JADE2: variants seen among roughly 807,000 people sequenced by gnomAD.
JADE2 encodes the protein E3 ubiquitin-protein ligase Jade-2.
JADE2 carries 13 observed loss-of-function variants against 85.7 expected under a neutral mutation model. The observed-to-expected ratio is 0.15, with a 90% CI of 0.10 to 0.24. The LOEUF (loss-of-function observed/expected upper bound fraction) is 0.24. Among genes scored for constraint, JADE2 ranks in the 10% least tolerant of loss-of-function variants. The pLI is 1.00. For missense variants in JADE2, 846 were observed against 1,115.9 expected, an observed-to-expected ratio of 0.76 and a Z score of 3.45; for synonymous variants, 440 against 456.1, an observed-to-expected ratio of 0.96 and a Z score of 0.45.
intron 3 of JADE2, among the ~76,000 whole-genome samples, chr5:134,539,078 T>TA (rs1561730067): frequency 7.3e-5 from 11 of 150,802 alleles, no homozygotes; most frequent in African/African-American, 2.7e-4. Context: ...TTTATTTATT[T>TA]TGAGATGGAG....
intron 3 of JADE2, among the ~76,000 whole-genome samples, chr5:134,541,258 G>A (rs1761945874): frequency 6.6e-6 from 1 of 152,254 alleles, no homozygotes; most frequent in African/African-American, 2.4e-5. Flanking sequence ...AGTCCTCTAA[G>A]TGACAAGGTT....
chr5:134,526,355 C>A lies in JADE2; in HGVS notation c.-1+344C>A, dbSNP rs1166247700. On this transcript the variant is annotated intron_variant, in intron 1 of 11. Coordinates refer to ENST00000681547, the MANE Select transcript of JADE2 (RefSeq NM_001388185.1). Reference sequence around the variant, plus strand: ...CCCCGGGCCGGCGAGGGGGCGCGGGCGGGCGGGGGCGCGCCAGGGCTGCAA... The same window carrying A: ...CCCCGGGCCGGCGAGGGGGCGCGGGAGGGCGGGGGCGCGCCAGGGCTGCAA... 6 of 984,978 alleles carry A rather than the reference C, an allele frequency of 6.1e-6. No homozygotes were observed. In the African/African-American group the frequency reaches 8.8e-5, roughly 14 times the overall value. The allele number at this position is 984,978 out of a possible 1,614,324, so 61.0% of individuals were successfully genotyped here.
Position 134,565,438 on chromosome 5 carries a change from T to A in JADE2, c.970-678T>A, listed in dbSNP as rs952999714. On this transcript the variant is annotated intron_variant, in intron 8 of 11. Transcript: ENST00000681547. Reference sequence around the variant, plus strand: ...AGGGAAGGGGACTAAGTCCAGCCCCTCTTCCCAGAGGACAAAAAGGGGACC... The same window carrying A: ...AGGGAAGGGGACTAAGTCCAGCCCCACTTCCCAGAGGACAAAAAGGGGACC... Among the ~76,000 whole-genome samples, 3 of 152,188 alleles carry A rather than the reference T, an allele frequency of 2.0e-5. No individual in the cohort carries two copies. The East Asian group carries it at 5.8e-4, about 29-fold the overall frequency.
At position 134,581,073 on chromosome 5, in the gene JADE2, G is replaced by T. The variant is rs979912119; in HGVS notation, c.*1756G>T. The T allele has an allele frequency of 2.6e-5, 4 of 152,614 alleles. No individual in the cohort carries two copies. The highest frequency in any genetic ancestry group is 7.2e-5 in the African/African-American group (3 of 41,444). The allele number at this position is 152,614 out of a possible 1,614,324, so 9.5% of individuals were successfully genotyped here. A position where few individuals can be genotyped will look rare whatever the true frequency, so the allele number is the denominator to read the frequency against. Reference sequence around the variant, plus strand: ...CCTAACTCCAAAACTATCAAGGTACGACAGTGGCATTGTCATCGACACTCA... The same window carrying T: ...CCTAACTCCAAAACTATCAAGGTACTACAGTGGCATTGTCATCGACACTCA... On this transcript the variant is annotated 3_prime_UTR_variant, in exon 12 of 12. Coordinates refer to ENST00000681547, the MANE Select transcript of JADE2 (RefSeq NM_001388185.1).
At chr5:134,571,836 C>T (rs1764040986) in intron 9 of JADE2, among the ~76,000 whole-genome samples, 1 of 152,234 alleles carries the variant, frequency 6.6e-6, no homozygotes, top group Admixed American at 6.5e-5. Context: ...TGCTCTGCCT[C>T]CCCCAGCCTG....
In JADE2 at chr5:134,565,687, C is replaced by CA. The variant is rs1763597264; in HGVS notation, c.970-424dup. On this transcript the variant is annotated intron_variant, in intron 8 of 11. Transcript: ENST00000681547. ...TGGCGAAACCTCATCTCTAAAAATA[C>CA]AAAAACTAGGTGGTGCATGCCTGTA... 2.0e-5 allele frequency among the ~76,000 whole-genome samples: 3 copies of CA among 152,154 alleles called. No homozygotes were observed. The South Asian group carries it at 6.2e-4, about 32-fold the overall frequency.
intron 9 of JADE2, among the ~76,000 whole-genome samples, chr5:134,568,124 T>C (rs329317): frequency 0.6 from 91,706 of 152,080 alleles, 28,517 homozygotes; most frequent in Middle Eastern, 0.71. Flanking sequence ...GGTCAGCCCA[T>C]GTGTCTGTCC....
rs142435802 is a variant in JADE2 at position 134,566,376 on chromosome 5, G to C, written c.1230G>C (p.Pro410=). The part of the protein sequence containing the change: ...LEEDFYELVE[P]AEVAERLDLA... ...AGGACTTCTACGAGCTGGTGGAGCC[G>C]GCTGAGGTGGCTGAGCGGCTGGACC... is the stretch of plus-strand genomic sequence containing the variant. The change falls in exon 9 of 12, where the codon CCG becomes CCC. Residue 410 remains proline (P), a synonymous_variant. Transcript: ENST00000681547. The surrounding 1 kb of genome is among the most constrained non-coding windows in gnomAD (Gnocchi z 6.7). The C allele has an allele frequency of 1.2e-3, 1,893 of 1,613,980 alleles. 15 individuals carry two copies. Among genetic ancestry groups the C allele is most frequent in the Middle Eastern group, 0.011 (65 of 6,062 alleles).
At chr5:134,577,127 G>T (rs1399413017) in intron 11 of JADE2, 8 of 508,224 alleles carry the variant, frequency 1.6e-5, no homozygotes, top group Non-Finnish European at 2.7e-5. Flanking sequence ...CCTGGATGGA[G>T]GCTGGGCCAC....
chr5:134,526,055 A>C (rs1017781399), intron 1 of JADE2, 44 bp downstream of exon 1: 1 of 985,030 alleles, frequency 1.0e-6, no homozygotes, highest in African/African-American at 1.8e-5. Context: ...CATCTCCACG[A>C]CGTTATTTGG....
In JADE2 at chr5:134,582,372, G is replaced by T. The variant is rs529742767; in HGVS notation, c.*3055G>T. On this transcript the variant is annotated 3_prime_UTR_variant, in exon 12 of 12. Transcript: ENST00000681547. ...AGATGTTGAATTGTTTGTGGGGGGT[G>T]TGCCAGGCCACGTCTCGTGTGTCCG... The T allele has an allele frequency of 6.6e-6, 1 of 152,274 alleles. No homozygotes were observed. Among genetic ancestry groups the T allele is most frequent in the East Asian group, 1.9e-4 (1 of 5,176 alleles). The allele number at this position is 152,274 out of a possible 1,614,324, so 9.4% of individuals were successfully genotyped here.
rs566209862 is a variant in JADE2, at chr5:134,562,759, G to A, written c.852+392G>A. On this transcript the variant is annotated intron_variant, in intron 7 of 11. Transcript: ENST00000681547. The surrounding 1 kb of genome is among the most constrained non-coding windows in gnomAD (Gnocchi z 4.6). ...AGCCTGGGTGACAGAGCAAGACTCC[G>A]TCTGAAAAACAAAACAAAACAAAGC... is the stretch of plus-strand genomic sequence containing the variant. Among the ~76,000 whole-genome samples the A allele has an allele frequency of 4.0e-5, 6 of 151,872 alleles. No individual in the cohort carries two copies. The South Asian group carries it at 8.3e-4, about 21-fold the overall frequency.
At chr5:134,528,276 C>CT (rs1263666858) in intron 1 of JADE2, among the ~76,000 whole-genome samples, 2 of 152,180 alleles carry the variant, frequency 1.3e-5, no homozygotes, top group African/African-American at 2.4e-5. Flanking sequence ...CGGCATGGAG[C>CT]TGCCAACCGG....
Position 134,578,513 on chromosome 5 carries a change from C to G in JADE2, c.1701C>G (p.Phe567Leu). 1 of 1,590,592 alleles carries G rather than the reference C, an allele frequency of 6.3e-7. No homozygotes were observed. The highest frequency in any genetic ancestry group is 8.6e-7 in the Non-Finnish European group (1 of 1,164,362). The change falls in exon 12 of 12, where the codon TTC becomes TTG. Residue 567 changes from phenylalanine (F) to leucine (L), a missense_variant. Around this residue, in one of 9 missense-constraint regions of JADE2, gnomAD observed 119 missense variants for 163.9 expected, o/e 0.73. Coordinates refer to ENST00000681547, the MANE Select transcript of JADE2 (RefSeq NM_001388185.1). The surrounding 1 kb of genome is among the most constrained non-coding windows in gnomAD (Gnocchi z 4.4). ...LGQLAGLSTS[F>L]PIDGTFFNSW... ...CCTCAGCAGGCCTGTCCACCTCATTCCCCATCGATGGCACCTTCTTCAACA... is the reference window on the plus strand; with the variant it reads ...CCTCAGCAGGCCTGTCCACCTCATTGCCCATCGATGGCACCTTCTTCAACA...
At position 134,580,601 on chromosome 5, in the gene JADE2, G is replaced by A. The variant is rs1401955116; in HGVS notation, c.*1284G>A. 2 of 152,240 alleles carry A rather than the reference G, an allele frequency of 1.3e-5. No homozygotes were observed. Among genetic ancestry groups the A allele is most frequent in the South Asian group, 2.1e-4 (1 of 4,794 alleles). 9.4% of individuals were successfully genotyped at this position (152,240 alleles called of 1,614,324 possible). A position where few individuals can be genotyped will look rare whatever the true frequency, so the allele number is the denominator to read the frequency against. ...TTTTTCTTTGATGAATTACTCCTGG[G>A]TCACTTCCACCACTGGTAAAGCCAG... On this transcript the variant is annotated 3_prime_UTR_variant, in exon 12 of 12. Coordinates refer to ENST00000681547, the MANE Select transcript of JADE2 (RefSeq NM_001388185.1).
In JADE2 at chr5:134,525,681, CAG is replaced by C. The variant is rs1491260240; in HGVS notation, c.-330_-329del. 1 of 1,243,888 alleles carries C rather than the reference CAG, an allele frequency of 8.0e-7. No homozygotes were observed. Among genetic ancestry groups the C allele is most frequent in the African/African-American group, 1.7e-5 (1 of 58,200 alleles). The allele number at this position is 1,243,888 out of a possible 1,614,324, so 77.1% of individuals were successfully genotyped here. A position where few individuals can be genotyped will look rare whatever the true frequency, so the allele number is the denominator to read the frequency against. ...GTTTAAAAAGAAACAGAAACATACA[CAG>C]GGGGTTGGTGAATGGTGCCGACCGC... is the stretch of plus-strand genomic sequence containing the variant. On this transcript the variant is annotated 5_prime_UTR_variant, in exon 1 of 12. Coordinates refer to ENST00000681547, the MANE Select transcript of JADE2 (RefSeq NM_001388185.1).
intron 10 of JADE2, chr5:134,575,242 G>A (rs944513603): frequency 2.2e-4 from 33 of 152,366 alleles, no homozygotes; most frequent in Admixed American, 1.8e-3. Context: ...ACACTGTTGA[G>A]AGGCTTGACG....
chr5:134,577,813 C>T (rs1371604267), intron 11 of JADE2, among the ~76,000 whole-genome samples: 1 of 152,188 alleles, frequency 6.6e-6, no homozygotes, highest in African/African-American at 2.4e-5. Flanking sequence ...GCTCTGCCGC[C>T]CTCACATCTG....
chr5:134,577,433 G>T (rs1042353358), intron 11 of JADE2, among the ~76,000 whole-genome samples: 3 of 152,208 alleles, frequency 2.0e-5, no homozygotes, highest in African/African-American at 7.2e-5. Context: ...TGGACCTCAC[G>T]TGCTTCCTCC....
Sources: allele counts gnomAD v4.1 joint callset (sites outside exome capture counted in the v4.1 genomes callset), GRCh38; gene constraint gnomAD v4.1.1; regional missense constraint gnomAD v4.1.1; non-coding constraint Gnocchi (gnomAD v3.1); transcripts MANE v1.5; gene names NCBI Gene and HGNC (gene_info 2026-07-23, HGNC 2026-07-21).